TANC1: variants seen among roughly 807,000 people sequenced by gnomAD.
The protein encoded by TANC1 is protein TANC1.
Under a neutral mutation model 149.7 loss-of-function variants are expected in TANC1, and 77 were observed. That is an observed-to-expected ratio of 0.51 (90% CI 0.43 to 0.62). TANC1 has a LOEUF of 0.62. Ranked by LOEUF, TANC1 falls within the 20% of genes least tolerant of loss-of-function variation. TANC1 has a pLI of 0.00. For missense variants in TANC1, 1,985 were observed against 2,321.8 expected (o/e 0.85, Z 2.98); for synonymous variants, 854 against 925.0 (o/e 0.92, Z 1.39).
At chr2:159,096,419 A>G (rs2046142790) in intron 3 of TANC1, among the ~76,000 whole-genome samples, 1 of 152,036 alleles carries the variant, frequency 6.6e-6, no homozygotes, top group South Asian at 2.1e-4. Flanking sequence ...TGTTGTTAGA[A>G]ATGCTTGTTC....
At chr2:159,022,623 T>G (rs2149434289) in intron 2 of TANC1, among the ~76,000 whole-genome samples, 1 of 152,210 alleles carries the variant, frequency 6.6e-6, no homozygotes, top group Admixed American at 6.5e-5. Context: ...CGCATGCCTG[T>G]TGTCCTCGGG....
chr2:159,212,813 A>T (rs1384570240), intron 19 of TANC1, among the ~76,000 whole-genome samples: 1 of 151,658 alleles, frequency 6.6e-6, no homozygotes, highest in Non-Finnish European at 1.5e-5. Flanking sequence ...CTAGCTACCC[A>T]GGAGGCTGAG....
At chr2:159,028,146 G>A (rs75410391) in intron 2 of TANC1, among the ~76,000 whole-genome samples, 14,687 of 151,940 alleles carry the variant, frequency 0.097, 723 homozygotes, top group Non-Finnish European at 0.11. Flanking sequence ...TTGATACGGA[G>A]TCTCACTCTT....
chr2:159,014,383 C>T (rs2038063009), intron 2 of TANC1, among the ~76,000 whole-genome samples: 1 of 152,120 alleles, frequency 6.6e-6, no homozygotes, highest in African/African-American at 2.4e-5. Context: ...GGGGAAACTG[C>T]CCCCATGATT....
intron 4 of TANC1, among the ~76,000 whole-genome samples, chr2:159,113,361 G>T (rs264584): frequency 0.65 from 98,719 of 152,094 alleles, 32,187 homozygotes; most frequent in Middle Eastern, 0.71. Context: ...CAGACCTGGG[G>T]TCAATCCCAA....
intron 4 of TANC1, among the ~76,000 whole-genome samples, chr2:159,129,919 C>A (rs1189383468): frequency 6.6e-6 from 1 of 152,176 alleles, no homozygotes; most frequent in African/African-American, 2.4e-5. Context: ...TCCCTAGAGA[C>A]CCCGTTCGTG....
intron 5 of TANC1, among the ~76,000 whole-genome samples, chr2:159,144,624 A>G (rs536087890): frequency 3.6e-4 from 55 of 152,204 alleles, no homozygotes; most frequent in African/African-American, 1.3e-3. Flanking sequence ...CGAACATCTG[A>G]TCACTCAGGT....
At chr2:159,212,986 G>A (rs146302507) in intron 19 of TANC1, among the ~76,000 whole-genome samples, 2 of 152,084 alleles carry the variant, frequency 1.3e-5, no homozygotes, top group African/African-American at 4.8e-5. Context: ...GCCAGTTATG[G>A]GGAGGTACCC....
At chr2:159,038,823 G>T (rs1326937417) in intron 2 of TANC1, among the ~76,000 whole-genome samples, 1 of 152,084 alleles carries the variant, frequency 6.6e-6, no homozygotes, top group African/African-American at 2.4e-5. Flanking sequence ...TTTTTGTTGT[G>T]TCTCTGCCCA....
rs1161438457 is a variant in TANC1 at position 159,232,096 on chromosome 2, ATAT to A, written c.*1090_*1092del. On this transcript the variant is annotated 3_prime_UTR_variant, in exon 27 of 27. Coordinates refer to ENST00000263635, the MANE Select transcript of TANC1 (RefSeq NM_033394.3). ...CATGCTGGTTATTGCACTGAATGAT[ATAT>A]TATTAGGGCATGTTAACAGTATACC... 2 of 152,420 alleles carry A rather than the reference ATAT, an allele frequency of 1.3e-5. No homozygotes were observed. The highest frequency in any genetic ancestry group is 4.8e-5 in the African/African-American group (2 of 41,392). The allele number at this position is 152,420 out of a possible 1,614,324, so 9.4% of individuals were successfully genotyped here. A position where few individuals can be genotyped will look rare whatever the true frequency, so the allele number is the denominator to read the frequency against.
chr2:159,113,891 A>G (rs1174537711), intron 4 of TANC1, among the ~76,000 whole-genome samples: 1 of 152,216 alleles, frequency 6.6e-6, no homozygotes, highest in East Asian at 1.9e-4. Context: ...GTTAGCAAAT[A>G]TTGTTGAAAC....
chr2:159,079,328 G>A (rs1353648896), intron 3 of TANC1, among the ~76,000 whole-genome samples: 1 of 147,008 alleles, frequency 6.8e-6, no homozygotes, highest in African/African-American at 2.5e-5. Context: ...ACCTCACTTG[G>A]CTGAAAAGTG....
intron 16 of TANC1, among the ~76,000 whole-genome samples, chr2:159,192,337 C>T (rs761197868): frequency 2.4e-4 from 37 of 152,150 alleles, no homozygotes; most frequent in Non-Finnish European, 4.0e-4. Flanking sequence ...TTTATAGAGA[C>T]GGGGTCTTGC....
At chr2:159,052,944 C>A (rs114114159) in intron 2 of TANC1, among the ~76,000 whole-genome samples, 1,921 of 152,254 alleles carry the variant, frequency 0.013, 26 homozygotes, top group Middle Eastern at 0.068. Context: ...ATCTGTGTTT[C>A]AATATAATTA....
chr2:159,140,484 G>C (rs944088688), intron 5 of TANC1, among the ~76,000 whole-genome samples: 5 of 152,064 alleles, frequency 3.3e-5, no homozygotes, highest in African/African-American at 9.7e-5. Flanking sequence ...CCTTGAATAA[G>C]TATTCAGTTT....
intron 7 of TANC1, among the ~76,000 whole-genome samples, chr2:159,159,745 A>T (rs1166710094): frequency 8.2e-5 from 12 of 147,108 alleles, no homozygotes; most frequent in African/African-American, 1.7e-4. Context: ...AGAGAGAGAG[A>T]GAGAGAGAGA....
At chr2:159,218,547 A>T (rs2059491233) in intron 20 of TANC1, among the ~76,000 whole-genome samples, 2 of 152,222 alleles carry the variant, frequency 1.3e-5, no homozygotes, top group Non-Finnish European at 2.9e-5. Flanking sequence ...GCGGCCATGT[A>T]ACAGGTGATG....
chr2:159,141,032 T>C (rs1004443628), intron 5 of TANC1, among the ~76,000 whole-genome samples: 1 of 152,200 alleles, frequency 6.6e-6, no homozygotes, highest in Non-Finnish European at 1.5e-5. Context: ...TAATTGTAGC[T>C]ATGCCTTAAG....
In TANC1 at chr2:159,230,205, T is replaced by C; in HGVS notation, c.4779T>C (p.Gly1593=). 6.2e-7 allele frequency: 1 copy of C among 1,613,980 alleles called. No homozygotes were observed. Among genetic ancestry groups the C allele is most frequent in the Non-Finnish European group, 8.5e-7 (1 of 1,180,026 alleles). Residue 1593 remains glycine, a synonymous_variant, in exon 27 of 27, where the codon GGT becomes GGC. Coordinates refer to ENST00000263635, the MANE Select transcript of TANC1 (RefSeq NM_033394.3). The surrounding 1 kb of genome is among the most constrained non-coding windows in gnomAD (Gnocchi z 4.4). ...CAGGTACTTTCACTACAAGAGCTGGTTGTGGCCACTTTGGGGATCGGCTGG... is the reference window on the plus strand; with the variant it reads ...CAGGTACTTTCACTACAAGAGCTGGCTGTGGCCACTTTGGGGATCGGCTGG... ...EGTGTFTTRA[G]CGHFGDRLGP...
Sources: gnomAD v4.1 joint callset for allele counts (sites outside exome capture counted in the v4.1 genomes callset) on GRCh38, gnomAD v4.1.1 for gene constraint, Gnocchi (gnomAD v3.1) non-coding constraint, MANE v1.5 for transcripts, NCBI Gene and HGNC (gene_info 2026-07-23, HGNC 2026-07-21) for gene names.